PCDHGA1: variants seen among roughly 807,000 people sequenced by gnomAD.
PCDHGA1 encodes the protein protocadherin gamma subfamily A, 1.
A neutral mutation model predicts 58.0 loss-of-function variants in PCDHGA1; 32 were observed. That is an observed-to-expected ratio of 0.55 (90% CI 0.42 to 0.74). The LOEUF is 0.74. Among genes scored for constraint, PCDHGA1 ranks in the 30% least tolerant of loss-of-function variants. PCDHGA1 has a pLI of 0.00. For synonymous variants in PCDHGA1, 498 were observed against 501.1 expected (o/e 0.99, Z 0.08); for missense variants, 1,205 against 1,182.3 (o/e 1.02, Z -0.28).
At chr5:141,452,635 T>C (rs1426970634) in intron 1 of PCDHGA1, among the ~76,000 whole-genome samples, 1 of 152,086 alleles carries the variant, frequency 6.6e-6, no homozygotes, top group Non-Finnish European at 1.5e-5. Context: ...GCTATGAATA[T>C]ATTTACTCAT....
chr5:141,486,161 A>G lies in PCDHGA1; in HGVS notation c.2422-8646A>G. 1 of 1,614,216 alleles carries G rather than the reference A, an allele frequency of 6.2e-7. No individual in the cohort carries two copies. The highest frequency in any genetic ancestry group is 8.5e-7 in the Non-Finnish European group (1 of 1,180,038). ...GGCTCGCGATGGGGGTTCTCCAGCC[A>G]TGGAGCAACATTGCAGCCTTCGAGT... On this transcript the variant is annotated intron_variant, in intron 1 of 3. Coordinates refer to ENST00000517417, the MANE Select transcript of PCDHGA1 (RefSeq NM_018912.3). The surrounding 1 kb of genome is among the most constrained non-coding windows in gnomAD (Gnocchi z 5.0).
In PCDHGA1 at chr5:141,477,825, C is replaced by A; in HGVS notation, c.2422-16982C>A. The A allele has an allele frequency of 2.5e-6, 4 of 1,614,174 alleles. No individual in the cohort carries two copies. The South Asian group carries it at 4.4e-5, about 18-fold the overall frequency. On this transcript the variant is annotated intron_variant, in intron 1 of 3. Transcript: ENST00000517417. This position sits in a 1 kb window ranked among gnomAD's most constrained non-coding sequence, Gnocchi z 4.9. ...GACAATGCCCCCCAGGTCCTATATC[C>A]TCGGCCAGGTGGGAGCTCGGTGGAG...
At chr5:141,384,440 T>C (rs766102464) in intron 1 of PCDHGA1, 6 of 1,614,046 alleles carry the variant, frequency 3.7e-6, no homozygotes, top group Non-Finnish European at 4.2e-6. Context: ...ACTGGAGTCC[T>C]GTACGCGCTG....
chr5:141,388,756 A>G, intron 1 of PCDHGA1: 1 of 1,613,956 alleles, frequency 6.2e-7, no homozygotes, highest in South Asian at 1.1e-5. Flanking sequence ...ACCCAATTTG[A>G]CCTGAACTCT....
At chr5:141,365,163 CCTA>C in intron 1 of PCDHGA1, 2 of 1,613,918 alleles carry the variant, frequency 1.2e-6, no homozygotes, top group Non-Finnish European at 1.7e-6. Flanking sequence ...GGGAAATTGA[CCTA>C]CTCTTTTCGC....
chr5:141,492,691 C>G (rs2099743102), intron 1 of PCDHGA1, among the ~76,000 whole-genome samples: 1 of 152,274 alleles, frequency 6.6e-6, no homozygotes, highest in South Asian at 2.1e-4. Flanking sequence ...TCGGCGACCC[C>G]TCAACCCAGA....
chr5:141,338,873 G>A (rs1756785079), intron 1 of PCDHGA1: 2 of 1,448,524 alleles, frequency 1.4e-6, no homozygotes, highest in Non-Finnish European at 1.8e-6. Flanking sequence ...AGGGACCTGG[G>A]TCCCGTGAAT....
chr5:141,408,144 G>C (rs868032463), intron 1 of PCDHGA1: 4 of 1,496,186 alleles, frequency 2.7e-6, no homozygotes, highest in East Asian at 2.5e-5. Context: ...CTTTTAGCGC[G>C]GTAGAGTGCA....
intron 1 of PCDHGA1, chr5:141,393,074 G>A (rs775449711): frequency 3.7e-6 from 6 of 1,613,710 alleles, no homozygotes; most frequent in Non-Finnish European, 5.1e-6. Context: ...TGATCACCGC[G>A]GGCAGGATAG....
chr5:141,380,009 C>T lies in PCDHGA1; in HGVS notation c.2421+46904C>T, dbSNP rs529470373. Among the ~76,000 whole-genome samples the T allele has an allele frequency of 3.4e-5, 5 of 149,132 alleles. No individual in the cohort carries two copies. The South Asian group carries it at 8.7e-4, about 26-fold the overall frequency. ...CCTCCTCCTGGGTTCAAGCGATTCT[C>T]CTGCCTCAGCCTCCCAAGTAGCTGG... On this transcript the variant is annotated intron_variant, in intron 1 of 3. Transcript: ENST00000517417.
rs776975666 is a variant in PCDHGA1 at position 141,432,850 on chromosome 5, G to A, written c.2422-61957G>A. The A allele has an allele frequency of 6.2e-7, 1 of 1,614,170 alleles. No homozygotes were observed. The highest frequency in any genetic ancestry group is 1.1e-5 in the South Asian group (1 of 91,088). ...TCACTCTGTACCTGGTGGTAGCGGT[G>A]GCCGCGGTCTCCTGCGTCTTCCTGG... is the stretch of plus-strand genomic sequence containing the variant. On this transcript the variant is annotated intron_variant, in intron 1 of 3. Coordinates refer to ENST00000517417, the MANE Select transcript of PCDHGA1 (RefSeq NM_018912.3). The surrounding 1 kb of genome is among the most constrained non-coding windows in gnomAD (Gnocchi z 6.0).
Position 141,489,084 on chromosome 5 carries a change from C to CCG in PCDHGA1, c.2422-5723_2422-5722insCG. On this transcript the variant is annotated intron_variant, in intron 1 of 3. Coordinates refer to ENST00000517417, the MANE Select transcript of PCDHGA1 (RefSeq NM_018912.3). The surrounding 1 kb of genome is among the most constrained non-coding windows in gnomAD (Gnocchi z 4.5). ...CTCCCCCCTGCCCACCCCCGCCACT[C>CCG]GGTGACTAAGAACTGCTGCAAGCAG... 9.1e-6 allele frequency: 3 copies of CCG among 329,130 alleles called. No individual in the cohort carries two copies. The highest frequency in any genetic ancestry group is 5.4e-6 in the Non-Finnish European group (1 of 186,464). The allele number at this position is 329,130 out of a possible 1,614,324, so 20.4% of individuals were successfully genotyped here. A position where few individuals can be genotyped will look rare whatever the true frequency, so the allele number is the denominator to read the frequency against.
chr5:141,337,217 C>T (rs1756665957), intron 1 of PCDHGA1, among the ~76,000 whole-genome samples: 1 of 152,152 alleles, frequency 6.6e-6, no homozygotes, highest in Admixed American at 6.5e-5. Context: ...GGTATGGTGA[C>T]TCCTCAAAAA....
At chr5:141,357,518 C>A in intron 1 of PCDHGA1, 1 of 1,614,246 alleles carries the variant, frequency 6.2e-7, no homozygotes, top group Non-Finnish European at 8.5e-7. Flanking sequence ...TTCTCCCAAC[C>A]CAGCTATGCA....
intron 1 of PCDHGA1, chr5:141,416,406 T>C (rs2096021956): frequency 6.6e-6 from 1 of 152,224 alleles, no homozygotes; most frequent in Non-Finnish European, 1.5e-5. Flanking sequence ...TTGTCTTTTT[T>C]GTTAAATTTT....
chr5:141,386,030 A>G (rs2090434667), intron 1 of PCDHGA1: 1 of 152,256 alleles, frequency 6.6e-6, no homozygotes, highest in African/African-American at 2.4e-5. Flanking sequence ...CATTTGTGAC[A>G]TAGGCAATTA....
chr5:141,437,741 CTTT>C (rs35124340), intron 1 of PCDHGA1, among the ~76,000 whole-genome samples: 1 of 141,708 alleles, frequency 7.1e-6, no homozygotes. Context: ...TTGAGTTCAC[CTTT>C]TTTTTTTTTT....
At chr5:141,410,739 A>G in intron 1 of PCDHGA1, 1 of 1,303,782 alleles carries the variant, frequency 7.7e-7, no homozygotes. Flanking sequence ...GCTTTTTACA[A>G]TATTTTCTCA....
intron 1 of PCDHGA1, chr5:141,411,444 T>C (rs1589800236): frequency 6.8e-6 from 1 of 147,662 alleles, no homozygotes; most frequent in African/African-American, 2.5e-5. Context: ...ATTAGCAGAG[T>C]GTGGTAGCAT....
Sources: gnomAD v4.1 joint callset for allele counts (sites outside exome capture counted in the v4.1 genomes callset) on GRCh38, gnomAD v4.1.1 for gene constraint, Gnocchi (gnomAD v3.1) non-coding constraint, MANE v1.5 for transcripts, NCBI Gene and HGNC (gene_info 2026-07-23, HGNC 2026-07-21) for gene names.